QPCT: variants seen among roughly 807,000 people sequenced by gnomAD.
The protein encoded by QPCT is EC.
In QPCT, 44 loss-of-function variants were observed where a neutral mutation model predicts 43.4. The ratio of observed to expected loss-of-function variants is 1.01; its 90% CI spans 0.80 to 1.30. The LOEUF is 1.30. QPCT is among the 50% of genes most tolerant of loss of function. The pLI is 0.00. For synonymous variants in QPCT, 168 were observed against 168.4 expected, an observed-to-expected ratio of 1.00 and a Z score of 0.02; for missense variants, 526 against 436.5, an observed-to-expected ratio of 1.21 and a Z score of -1.83.
At chr2:37,366,806 C>G (rs1672972451) in intron 3 of QPCT, among the ~76,000 whole-genome samples, 1 of 152,200 alleles carries the variant, frequency 6.6e-6, no homozygotes, top group Admixed American at 6.5e-5. Context: ...CCCCCGTACC[C>G]GTGTAGGTCA....
At chr2:37,371,320 C>A (rs183143951) in intron 5 of QPCT, among the ~76,000 whole-genome samples, 10 of 150,972 alleles carry the variant, frequency 6.6e-5, no homozygotes, top group African/African-American at 1.9e-4. Context: ...CCCATTGTGC[C>A]CCTCCTATTG....
At chr2:37,350,307 T>C (rs1672593752) in intron 1 of QPCT, among the ~76,000 whole-genome samples, 2 of 152,212 alleles carry the variant, frequency 1.3e-5, no homozygotes, top group Admixed American at 1.3e-4. Context: ...TAATTAACCA[T>C]GGAAGTCTTC....
At chr2:37,370,971 A>G (rs1341735771) in intron 5 of QPCT, among the ~76,000 whole-genome samples, 2 of 152,200 alleles carry the variant, frequency 1.3e-5, no homozygotes, top group Non-Finnish European at 2.9e-5. Context: ...TTCTTGGAGC[A>G]AGATAGACTT....
At position 37,359,588 on chromosome 2, in the gene QPCT, G is replaced by C. The variant is rs746914918; in HGVS notation, c.276G>C (p.Met92Ile). 1 of 1,613,510 alleles carries C rather than the reference G, an allele frequency of 6.2e-7. No homozygotes were observed. The highest frequency in any genetic ancestry group is 1.7e-5 in the Admixed American group (1 of 59,996). The change falls in exon 3 of 7, where the codon ATG becomes ATC. Residue 92 changes from methionine to isoleucine, a missense_variant. Coordinates refer to ENST00000338415, the MANE Select transcript of QPCT (RefSeq NM_012413.4). Reference sequence around the variant, plus strand: ...TTTTTTGTTTTGATCAGCACATCATGCAGCGAATTCAGAGGCTTCAGGCTG... The same window carrying C: ...TTTTTTGTTTTGATCAGCACATCATCCAGCGAATTCAGAGGCTTCAGGCTG... ...PGSYAARQHI[M>I]QRIQRLQADW... is the part of the protein sequence containing the mutation.
rs145043672 is a variant in QPCT at position 37,369,413 on chromosome 2, T to C, written c.724-272T>C. 3.9e-3 allele frequency among the ~76,000 whole-genome samples: 592 copies of C among 152,350 alleles called. 4 individuals are homozygous for C. The highest frequency in any genetic ancestry group is 6.8e-3 in the Middle Eastern group (2 of 294). The stretch of plus-strand genomic sequence containing the variant: ...TCACAAAATATTCATCCAAATGTCT[T>C]CTTCCTAATTTATCCTTAGTGATAT... On this transcript the variant is annotated intron_variant, in intron 4 of 6. Coordinates refer to ENST00000338415, the MANE Select transcript of QPCT (RefSeq NM_012413.4).
At chr2:37,365,174 C>T (rs1672937079) in intron 3 of QPCT, among the ~76,000 whole-genome samples, 1 of 151,604 alleles carries the variant, frequency 6.6e-6, no homozygotes, top group Non-Finnish European at 1.5e-5. Flanking sequence ...TGAGTGTGGA[C>T]AGAGAAGAGA....
chr2:37,368,679 A>C (rs1332898284), intron 4 of QPCT: 1 of 471,092 alleles, frequency 2.1e-6, no homozygotes, highest in Non-Finnish European at 4.4e-6. Context: ...TCATTCATTC[A>C]CTTGTGCCCA....
chr2:37,354,546 G>A (rs1481108980), intron 2 of QPCT, among the ~76,000 whole-genome samples: 1 of 152,138 alleles, frequency 6.6e-6, no homozygotes, highest in Non-Finnish European at 1.5e-5. Context: ...CCATTGTTGA[G>A]GCCAGAATCC....
rs1263099105 is a variant in QPCT, at chr2:37,344,751, G to A, written c.20G>A (p.Arg7Gln). Residue 7 changes from arginine to glutamine, a missense_variant, in exon 1 of 7, where the codon CGG (arginine) becomes CAG (glutamine). Transcript: ENST00000338415. Reference sequence around the variant, plus strand: ...GGAGAGATGGCAGGCGGAAGACACCGGCGCGTCGTGGGCACCCTCCACCTG... The same window carrying A: ...GGAGAGATGGCAGGCGGAAGACACCAGCGCGTCGTGGGCACCCTCCACCTG... MAGGRH[R>Q]RVVGTLHLLL... 1.2e-6 allele frequency: 2 copies of A among 1,605,792 alleles called. No individual in the cohort carries two copies.
chr2:37,348,238 C>G (rs3770754), intron 1 of QPCT, among the ~76,000 whole-genome samples: 41,619 of 152,020 alleles, frequency 0.27, 7,136 homozygotes, highest in Middle Eastern at 0.36. Flanking sequence ...ATCATGAGAT[C>G]CATTTTACAG....
intron 2 of QPCT, 119 bp downstream of exon 2, chr2:37,353,054 C>A: frequency 8.2e-7 from 1 of 1,214,802 alleles, no homozygotes; most frequent in Non-Finnish European, 1.1e-6. Flanking sequence ...TCCTCATTCA[C>A]CAAATAGTCA....
At chr2:37,358,100 T>G (rs1239391334) in intron 2 of QPCT, among the ~76,000 whole-genome samples, 1 of 144,388 alleles carries the variant, frequency 6.9e-6, no homozygotes, top group South Asian at 2.1e-4. Flanking sequence ...ATGATGTATA[T>G]GATACTTGAA....
intron 3 of QPCT, among the ~76,000 whole-genome samples, chr2:37,366,877 G>T (rs943003566): frequency 6.6e-6 from 1 of 152,210 alleles, no homozygotes; most frequent in Non-Finnish European, 1.5e-5. Flanking sequence ...GTGACTGACG[G>T]CTCTTCCAGC....
intron 2 of QPCT, 26 bp from the exon 3 acceptor site, chr2:37,359,554 A>ATTTTTTGT (rs1558603892): frequency 6.3e-7 from 1 of 1,580,090 alleles, no homozygotes; most frequent in Admixed American, 1.8e-5. Context: ...TTAGATCTAA[A>ATTTTTTGT]TTTTTTGTTT....
intron 4 of QPCT, 57 bp downstream of exon 4, chr2:37,367,465 GGT>G: frequency 6.5e-7 from 1 of 1,548,388 alleles, no homozygotes; most frequent in South Asian, 1.2e-5. Context: ...CCAAGGAAAA[GGT>G]TGCAAAAGCC....
rs11891757 is a variant in QPCT, at chr2:37,348,867, T to C, written c.121-3922T>C. On this transcript the variant is annotated intron_variant, in intron 1 of 6. Coordinates refer to ENST00000338415, the MANE Select transcript of QPCT (RefSeq NM_012413.4). The stretch of plus-strand genomic sequence containing the variant: ...TTAACTGAGATAAACCTACAATAAA[T>C]TGGGGTTTGCATTTACCATTGGGCT... Among the ~76,000 whole-genome samples the C allele has an allele frequency of 5.7e-3, 872 of 152,324 alleles. 10 individuals are homozygous for C. Among genetic ancestry groups the C allele is most frequent in the African/African-American group, 0.02 (835 of 41,564 alleles).
At chr2:37,355,145 G>C (rs145082480) in intron 2 of QPCT, among the ~76,000 whole-genome samples, 12 of 152,326 alleles carry the variant, frequency 7.9e-5, no homozygotes, top group African/African-American at 2.9e-4. Flanking sequence ...CTGCTGGGCT[G>C]CCTATGCATG....
At chr2:37,371,487 G>A (rs539379809) in intron 5 of QPCT, among the ~76,000 whole-genome samples, 1 of 145,288 alleles carries the variant, frequency 6.9e-6, no homozygotes, top group Non-Finnish European at 1.5e-5. Flanking sequence ...GGAATTATAA[G>A]TATCAATAAA....
At chr2:37,354,461 T>G (rs1437513521) in intron 2 of QPCT, among the ~76,000 whole-genome samples, 1 of 152,244 alleles carries the variant, frequency 6.6e-6, no homozygotes, top group Non-Finnish European at 1.5e-5. Flanking sequence ...GATGCTATTA[T>G]TATCTCAATA....
Sources: allele counts gnomAD v4.1 joint callset (sites outside exome capture counted in the v4.1 genomes callset), GRCh38; gene constraint gnomAD v4.1.1; transcripts MANE v1.5; gene names NCBI Gene and HGNC (gene_info 2026-07-23, HGNC 2026-07-21).